Variants in RBMS3 observed in about 807,000 individuals in gnomAD.
RBMS3 encodes the protein RNA-binding motif, single-stranded-interacting protein 3.
Under a neutral mutation model 66.8 loss-of-function variants are expected in RBMS3, and 27 were observed. That is an observed-to-expected ratio of 0.40 (90% CI 0.30 to 0.56). The LOEUF (loss-of-function observed/expected upper bound fraction) is 0.56. Among genes scored for constraint, RBMS3 ranks in the 20% least tolerant of loss-of-function variants. RBMS3 has a pLI of 0.40. For missense variants in RBMS3, 513 were observed against 549.5 expected (o/e 0.93, Z 0.66); for synonymous variants, 188 against 183.0 (o/e 1.03, Z -0.22).
chr3:29,475,479 A>G (rs1357307965), intron 2 of RBMS3, among the ~76,000 whole-genome samples: 1 of 152,056 alleles, frequency 6.6e-6, no homozygotes, highest in African/African-American at 2.4e-5. Context: ...CGAACCCTTG[A>G]GCTCAGGCAA....
chr3:29,813,587 C>T (rs949985448), intron 6 of RBMS3, among the ~76,000 whole-genome samples: 19 of 152,096 alleles, frequency 1.2e-4, no homozygotes, highest in African/African-American at 4.1e-4. Flanking sequence ...GCCATTTTCA[C>T]GATATTGATT....
At chr3:29,446,760 C>G (rs1019602338) in intron 2 of RBMS3, among the ~76,000 whole-genome samples, 3 of 152,106 alleles carry the variant, frequency 2.0e-5, no homozygotes, top group Non-Finnish European at 4.4e-5. Flanking sequence ...ATGTGTCTAT[C>G]AGTGATATTC....
intron 3 of RBMS3, among the ~76,000 whole-genome samples, chr3:29,524,607 A>AT (rs141238247): frequency 0.46 from 68,719 of 148,710 alleles, 16,230 homozygotes; most frequent in Middle Eastern, 0.58. Flanking sequence ...TTTGCATTTT[A>AT]TTTATTTATT....
chr3:29,550,541 G>A (rs1338096854), intron 3 of RBMS3, among the ~76,000 whole-genome samples: 1 of 151,956 alleles, frequency 6.6e-6, no homozygotes, highest in African/African-American at 2.4e-5. Context: ...TCAGCGTATA[G>A]TGTATAATAT....
chr3:29,355,626 T>G (rs565155877), intron 1 of RBMS3, among the ~76,000 whole-genome samples: 1 of 152,082 alleles, frequency 6.6e-6, no homozygotes, highest in African/African-American at 2.4e-5. Flanking sequence ...ATTTATTATA[T>G]CTCGGAAAGA....
chr3:29,910,415 A>C (rs892650926), intron 10 of RBMS3, among the ~76,000 whole-genome samples: 24 of 152,106 alleles, frequency 1.6e-4, no homozygotes, highest in Admixed American at 1.6e-3. Context: ...CACTTATGTG[A>C]AGTATTTGGG....
intron 1 of RBMS3, among the ~76,000 whole-genome samples, chr3:29,369,299 G>A (rs1395418247): frequency 6.6e-6 from 1 of 151,930 alleles, no homozygotes; most frequent in Non-Finnish European, 1.5e-5. Flanking sequence ...GCACATGTAT[G>A]CCTGAAATAA....
chr3:30,003,142 C>CA (rs1397735947), intron 14 of RBMS3, among the ~76,000 whole-genome samples: 4 of 151,906 alleles, frequency 2.6e-5, no homozygotes, highest in South Asian at 2.1e-4. Flanking sequence ...AATCTGTGGG[C>CA]AAAAAAGCTA....
chr3:29,677,584 C>T (rs146414913), intron 4 of RBMS3, among the ~76,000 whole-genome samples: 80 of 152,098 alleles, frequency 5.3e-4, no homozygotes, highest in African/African-American at 1.8e-3. Context: ...TCTATTCAAA[C>T]GCTCATTGCA....
intron 5 of RBMS3, among the ~76,000 whole-genome samples, chr3:29,753,915 T>C (rs1402178654): frequency 1.3e-5 from 2 of 152,140 alleles, no homozygotes; most frequent in Non-Finnish European, 2.9e-5. Context: ...AGAGAAACTA[T>C]TTTTTCCCCG....
chr3:29,742,191 G>A (rs948084740), intron 5 of RBMS3, among the ~76,000 whole-genome samples: 1 of 152,132 alleles, frequency 6.6e-6, no homozygotes, highest in African/African-American at 2.4e-5. Context: ...TGGTATATGA[G>A]ATCATGAAAG....
intron 3 of RBMS3, among the ~76,000 whole-genome samples, chr3:29,518,336 T>C (rs754451404): frequency 3.3e-5 from 5 of 152,254 alleles, no homozygotes; most frequent in Non-Finnish European, 7.3e-5. Context: ...TGTTATTTTA[T>C]GAGTTATCAT....
At chr3:29,316,906 G>T (rs1050665163) in intron 1 of RBMS3, among the ~76,000 whole-genome samples, 1 of 151,634 alleles carries the variant, frequency 6.6e-6, no homozygotes, top group Non-Finnish European at 1.5e-5. Context: ...AGAAATTTTA[G>T]TGATTCTTAA....
chr3:29,777,596 T>C (rs1427036792), intron 6 of RBMS3, among the ~76,000 whole-genome samples: 1 of 151,864 alleles, frequency 6.6e-6, no homozygotes, highest in African/African-American at 2.4e-5. Context: ...TGGAAGACAA[T>C]GTTTAAAAGC....
chr3:29,697,646 A>G (rs550236577), intron 4 of RBMS3, among the ~76,000 whole-genome samples: 1 of 152,292 alleles, frequency 6.6e-6, no homozygotes, highest in South Asian at 2.1e-4. Flanking sequence ...ATGCAATGAG[A>G]TATTCTGGGT....
intron 6 of RBMS3, among the ~76,000 whole-genome samples, chr3:29,789,463 G>A (rs1467245318): frequency 6.6e-6 from 1 of 151,960 alleles, no homozygotes; most frequent in Non-Finnish European, 1.5e-5. Context: ...TTAGTCAGTT[G>A]TTCTACTATT....
intron 4 of RBMS3, among the ~76,000 whole-genome samples, chr3:29,656,904 G>T (rs540753495): frequency 6.6e-6 from 1 of 152,278 alleles, no homozygotes; most frequent in Admixed American, 6.5e-5. Context: ...TTTCTAGCTA[G>T]TGGGTGACAT....
chr3:29,639,593 CAGAGAGAGAGAG>C (rs60712857), intron 4 of RBMS3, among the ~76,000 whole-genome samples: 8 of 143,072 alleles, frequency 5.6e-5, no homozygotes, highest in Non-Finnish European at 1.2e-4. Context: ...AGAAGATAGA[CAGAGAGAGAGAG>C]AGAGAGAGAG....
At chr3:29,578,728 C>T (rs561392588) in intron 3 of RBMS3, among the ~76,000 whole-genome samples, 13 of 148,392 alleles carry the variant, frequency 8.8e-5, no homozygotes, top group East Asian at 3.9e-4. Flanking sequence ...GACAAGTTGG[C>T]GGAGGGAATA....
Sources: gnomAD v4.1 joint callset for allele counts (sites outside exome capture counted in the v4.1 genomes callset) on GRCh38, gnomAD v4.1.1 for gene constraint, MANE v1.5 for transcripts, NCBI Gene and HGNC (gene_info 2026-07-23, HGNC 2026-07-21) for gene names.